The following NDUFAB1 variants were observed in gnomAD, a reference collection of about 807,000 sequenced individuals.
The protein encoded by NDUFAB1 is NADH:ubiquinone oxidoreductase subunit AB1.
NDUFAB1 carries 5 observed loss-of-function variants against 16.1 expected under a neutral mutation model. The observed-to-expected ratio is 0.31, with a 90% CI of 0.16 to 0.65. The LOEUF is 0.65. NDUFAB1 is among the 30% of genes least tolerant of loss of function. The pLI is 0.77. For missense variants in NDUFAB1, 187 were observed against 205.3 expected, an observed-to-expected ratio of 0.91 and a Z score of 0.54; for synonymous variants, 85 against 78.4, an observed-to-expected ratio of 1.08 and a Z score of -0.44.
intron 1 of NDUFAB1, among the ~76,000 whole-genome samples, chr16:23,594,480 G>A (rs1015795772): frequency 5.3e-5 from 8 of 151,828 alleles, no homozygotes; most frequent in African/African-American, 1.7e-4. Flanking sequence ...AGCCTCCTGA[G>A]TAGCTGGGAC....
chr16:23,586,115 A>G (rs956682935), intron 2 of NDUFAB1, among the ~76,000 whole-genome samples: 1 of 151,712 alleles, frequency 6.6e-6, no homozygotes, highest in African/African-American at 2.4e-5. Flanking sequence ...TTTAGTAGAG[A>G]CGGGGTTTCA....
chr16:23,584,278 A>AAAAAAAAAAAAAAC (rs1555507449), intron 3 of NDUFAB1, among the ~76,000 whole-genome samples: 1 of 143,184 alleles, frequency 7.0e-6, no homozygotes, highest in African/African-American at 2.6e-5. Flanking sequence ...AAAAAAAGAA[A>AAAAAAAAAAAAAAC]CCCAGTGCCC....
chr16:23,585,837 C>G (rs1264279690), intron 2 of NDUFAB1, among the ~76,000 whole-genome samples: 1 of 152,108 alleles, frequency 6.6e-6, no homozygotes, highest in Non-Finnish European at 1.5e-5. Flanking sequence ...TTATATGTAA[C>G]CTATGCTAGT....
chr16:23,585,662 A>G (rs465193), intron 2 of NDUFAB1, among the ~76,000 whole-genome samples: 41,778 of 151,420 alleles, frequency 0.28, 6,557 homozygotes, highest in African/African-American at 0.43. Context: ...CCCTCCCCAA[A>G]CCCCCTACCC....
chr16:23,587,265 T>A lies in NDUFAB1; in HGVS notation c.223A>T (p.Thr75Ser), dbSNP rs767578622. 1.9e-6 allele frequency: 3 copies of A among 1,614,044 alleles called. No individual in the cohort carries two copies. Among genetic ancestry groups the A allele is most frequent in the Non-Finnish European group, 2.5e-6 (3 of 1,179,948 alleles). ...CRQYSDMPPLTLEGIQDRVLY... is the reference protein window; with the variant it reads ...CRQYSDMPPLSLEGIQDRVLY... The stretch of plus-strand genomic sequence containing the variant: ...ACACGGTCCTGGATGCCCTCTAACG[T>A]CAAAGGAGGCATGTCGCTATACTGG... The change falls in exon 2 of 5, where the codon ACG becomes TCG. Residue 75 changes from threonine to serine, a missense_variant. Around this residue, in one of 3 missense-constraint regions of NDUFAB1, gnomAD observed 135 missense variants for 129.4 expected, o/e 1.04. Transcript: ENST00000007516.
At chr16:23,582,470 A>T in intron 3 of NDUFAB1, 95 bp from the exon 4 acceptor site, 2 of 1,359,392 alleles carry the variant, frequency 1.5e-6, no homozygotes, top group Non-Finnish European at 1.9e-6. Flanking sequence ...CTACAAGTAT[A>T]TCAAAACTTT....
At chr16:23,594,824 G>A (rs978013113) in intron 1 of NDUFAB1, among the ~76,000 whole-genome samples, 7 of 152,090 alleles carry the variant, frequency 4.6e-5, no homozygotes, top group Non-Finnish European at 8.8e-5. Flanking sequence ...TGCAGTCAAG[G>A]TTGAAACCAC....
intron 3 of NDUFAB1, among the ~76,000 whole-genome samples, chr16:23,584,610 T>C (rs570099470): frequency 1.3e-5 from 2 of 152,222 alleles, no homozygotes; most frequent in South Asian, 4.2e-4. Context: ...CCTACTATTA[T>C]CACCCCCACT....
chr16:23,592,292 T>C (rs919384972), intron 1 of NDUFAB1, among the ~76,000 whole-genome samples: 3 of 148,996 alleles, frequency 2.0e-5, no homozygotes, highest in South Asian at 2.1e-4. Context: ...TGCACTGATA[T>C]ATGATCATGC....
intron 1 of NDUFAB1, among the ~76,000 whole-genome samples, chr16:23,588,448 C>T (rs1269794356): frequency 4.6e-5 from 7 of 151,514 alleles, no homozygotes; most frequent in Non-Finnish European, 7.4e-5. Context: ...AGCAAGACTC[C>T]GTCTCAAAAA....
chr16:23,593,417 G>A (rs1427802306), intron 1 of NDUFAB1, among the ~76,000 whole-genome samples: 1 of 152,224 alleles, frequency 6.6e-6, no homozygotes, highest in Admixed American at 6.5e-5. Flanking sequence ...GAAGATGTAA[G>A]CTAATGTCTT....
chr16:23,592,579 C>A (rs1043169036), intron 1 of NDUFAB1, among the ~76,000 whole-genome samples: 40 of 152,126 alleles, frequency 2.6e-4, no homozygotes, highest in African/African-American at 9.2e-4. Context: ...TACCATGCCC[C>A]ATAGAACTGC....
chr16:23,582,608 A>G (rs935802781), intron 3 of NDUFAB1, among the ~76,000 whole-genome samples: 1 of 151,410 alleles, frequency 6.6e-6, no homozygotes, highest in African/African-American at 2.4e-5. Context: ...TAGAATTCAC[A>G]TAATAGAAAA....
At chr16:23,582,954 T>C (rs1966194906) in intron 3 of NDUFAB1, among the ~76,000 whole-genome samples, 2 of 151,938 alleles carry the variant, frequency 1.3e-5, no homozygotes, top group African/African-American at 4.8e-5. Flanking sequence ...GTGCCTGCGA[T>C]TGCAGGCACG....
chr16:23,596,013 C>A, intron 1 of NDUFAB1, 110 bp downstream of exon 1: 20 of 1,337,630 alleles, frequency 1.5e-5, no homozygotes, highest in Non-Finnish European at 1.8e-5. Flanking sequence ...GCCGGCTGCC[C>A]CCCGGGTCAC....
chr16:23,594,324 G>A (rs992775973), intron 1 of NDUFAB1, among the ~76,000 whole-genome samples: 3 of 152,004 alleles, frequency 2.0e-5, no homozygotes, highest in African/African-American at 4.8e-5. Flanking sequence ...AAAAATAGTC[G>A]CCTAGTACTC....
chr16:23,595,950 G>A (rs1050470578), intron 1 of NDUFAB1, among the ~76,000 whole-genome samples, 173 bp downstream of exon 1: 12 of 152,226 alleles, frequency 7.9e-5, no homozygotes, highest in Non-Finnish European at 1.3e-4. Flanking sequence ...AGGTCACCCG[G>A]CCTCCCGTCA....
chr16:23,588,743 C>T (rs1025107807), intron 1 of NDUFAB1, among the ~76,000 whole-genome samples: 15 of 152,222 alleles, frequency 9.9e-5, no homozygotes, highest in Middle Eastern at 3.4e-3. Context: ...TTTGGGAGGC[C>T]GAGGTGAGCC....
intron 3 of NDUFAB1, among the ~76,000 whole-genome samples, chr16:23,584,375 G>C (rs1195196853): frequency 6.7e-6 from 1 of 150,146 alleles, no homozygotes; most frequent in Non-Finnish European, 1.5e-5. Flanking sequence ...GACATTTCAT[G>C]TAAATGGTAT....
Sources: allele counts gnomAD v4.1 joint callset (sites outside exome capture counted in the v4.1 genomes callset), GRCh38; gene constraint gnomAD v4.1.1; regional missense constraint gnomAD v4.1.1; transcripts MANE v1.5; gene names NCBI Gene and HGNC (gene_info 2026-07-23, HGNC 2026-07-21).